PRIM2: variants seen among roughly 807,000 people sequenced by gnomAD.
The protein encoded by PRIM2 is DNA primase subunit 2, also known as DNA primase large subunit.
PRIM2 carries 39 observed loss-of-function variants against 67.3 expected under a neutral mutation model. The ratio of observed to expected loss-of-function variants is 0.58; its 90% CI spans 0.45 to 0.76. PRIM2 has a LOEUF of 0.76. Ranked by LOEUF, PRIM2 falls within the 30% of genes least tolerant of loss-of-function variation. The pLI is 0.00. For missense variants in PRIM2, 398 were observed against 598.7 expected (o/e 0.66, Z 3.50); for synonymous variants, 143 against 198.7 (o/e 0.72, Z 2.36).
the PRIM2 span, among the ~76,000 whole-genome samples, chr6:57,265,516 C>T: frequency 3.3e-5 from 5 of 152,130 alleles, no homozygotes; most frequent in East Asian, 3.8e-4. Context: ...CTTTGGTTTA[C>T]GGTAGACGCT....
chr6:57,237,505 A>G, the PRIM2 span, among the ~76,000 whole-genome samples: 28 of 152,176 alleles, frequency 1.8e-4, no homozygotes, highest in African/African-American at 6.7e-4. Context: ...CTATGTCCTG[A>G]ATGGTATTGC....
intron 5 of PRIM2, among the ~76,000 whole-genome samples, chr6:57,330,348 G>GTTTTTTTTTTTTTTTTTTTTT (rs1238317111): frequency 3.5e-4 from 31 of 87,790 alleles, no homozygotes; most frequent in African/African-American, 6.5e-4. Context: ...TGCTGAACTT[G>GTTTTTTTTTTTTTTTTTTTTT]TTTTTTTTTT....
chr6:57,414,858 A>G lies in PRIM2; in HGVS notation c.693+32690A>G, dbSNP rs548540312. ...ACCTCAGGAACTTATTTTCCCATAT[A>G]TTTATTTCCCCTTAATACTTGTGTT... On this transcript the variant is annotated intron_variant, in intron 7 of 13. Coordinates refer to ENST00000615550, the MANE Select transcript of PRIM2 (RefSeq NM_000947.5). 2.6e-5 allele frequency among the ~76,000 whole-genome samples: 4 copies of G among 152,196 alleles called. No homozygotes were observed. The South Asian group carries it at 6.2e-4, about 24-fold the overall frequency.
the PRIM2 span, among the ~76,000 whole-genome samples, chr6:57,307,451 C>T: frequency 6.6e-6 from 1 of 151,858 alleles, no homozygotes; most frequent in East Asian, 2.0e-4. Flanking sequence ...GATGGGGTTT[C>T]ACCGTGGTCT....
chr6:57,268,661 T>C, the PRIM2 span, among the ~76,000 whole-genome samples: 1 of 152,130 alleles, frequency 6.6e-6, no homozygotes, highest in East Asian at 1.9e-4. Context: ...ACTTTAAGTT[T>C]TAGGGTACAT....
intron 7 of PRIM2, among the ~76,000 whole-genome samples, chr6:57,487,926 C>G (rs1231164406): frequency 6.6e-6 from 1 of 152,010 alleles, no homozygotes; most frequent in African/African-American, 2.4e-5. Flanking sequence ...TAGTTGAAGG[C>G]CTGTTTATAT....
At chr6:57,578,669 GTTTTTTGT>G (rs1282551611) in intron 10 of PRIM2, among the ~76,000 whole-genome samples, 2 of 112,026 alleles carry the variant, frequency 1.8e-5, no homozygotes, top group African/African-American at 3.6e-5. Flanking sequence ...TCCTTCTTTT[GTTTTTTGT>G]TTTTTTTTTT....
chr6:57,251,797 G>A, the PRIM2 span, among the ~76,000 whole-genome samples: 1 of 152,152 alleles, frequency 6.6e-6, no homozygotes, highest in Non-Finnish European at 1.5e-5. Flanking sequence ...TTTCTCATGA[G>A]AATGCATATT....
chr6:57,572,434 G>A (rs1377649053), intron 10 of PRIM2, among the ~76,000 whole-genome samples: 3 of 152,150 alleles, frequency 2.0e-5, no homozygotes, highest in Non-Finnish European at 4.4e-5. Flanking sequence ...CTCAATTTAA[G>A]AGCTAAACAG....
the PRIM2 span, among the ~76,000 whole-genome samples, chr6:57,298,112 A>G: frequency 2.0e-5 from 3 of 152,226 alleles, no homozygotes; most frequent in East Asian, 5.8e-4. Flanking sequence ...CTGTAGTCCC[A>G]GCACTTTGGG....
chr6:57,248,013 T>C, the PRIM2 span, among the ~76,000 whole-genome samples: 1 of 152,210 alleles, frequency 6.6e-6, no homozygotes, highest in African/African-American at 2.4e-5. Context: ...AAAAAATAAT[T>C]GGATCAGGTA....
chr6:57,368,210 T>G (rs1769432942), intron 5 of PRIM2, among the ~76,000 whole-genome samples: 1 of 152,112 alleles, frequency 6.6e-6, no homozygotes, highest in Non-Finnish European at 1.5e-5. Flanking sequence ...CATACATTTA[T>G]TTTAGAAAAG....
intron 7 of PRIM2, among the ~76,000 whole-genome samples, chr6:57,459,567 A>T (rs1772927879): frequency 6.6e-6 from 1 of 152,160 alleles, no homozygotes; most frequent in Admixed American, 6.6e-5. Context: ...TACCTGGCTT[A>T]TGAAATGGGA....
upstream of PRIM2, among the ~76,000 whole-genome samples, chr6:57,317,218 T>C (rs1233566987): frequency 1.3e-5 from 2 of 152,182 alleles, no homozygotes; most frequent in African/African-American, 4.8e-5. Flanking sequence ...AAGATCCTAA[T>C]GCCTTTTTTC....
the PRIM2 span, among the ~76,000 whole-genome samples, chr6:57,289,932 C>G: frequency 6.6e-6 from 1 of 152,094 alleles, no homozygotes; most frequent in South Asian, 2.1e-4. Context: ...ATCTTAATGA[C>G]AGGACCAAAT....
chr6:57,437,087 T>C (rs1313796212), intron 7 of PRIM2, among the ~76,000 whole-genome samples: 1 of 152,194 alleles, frequency 6.6e-6, no homozygotes, highest in Non-Finnish European at 1.5e-5. Flanking sequence ...CTTTTACTCA[T>C]GGCAGAAGGC....
chr6:57,358,257 A>C (rs577949127), intron 5 of PRIM2, among the ~76,000 whole-genome samples: 14 of 152,342 alleles, frequency 9.2e-5, no homozygotes, highest in African/African-American at 3.4e-4. Flanking sequence ...TCAAGATTCA[A>C]ATCACTTTTG....
At chr6:57,490,710 GA>G (rs1488567030) in intron 7 of PRIM2, among the ~76,000 whole-genome samples, 1 of 152,174 alleles carries the variant, frequency 6.6e-6, no homozygotes, top group Non-Finnish European at 1.5e-5. Context: ...GTGGATTGTT[GA>G]ACTTGAATAT....
intron 8 of PRIM2, among the ~76,000 whole-genome samples, chr6:57,516,272 T>C (rs1774485858): frequency 6.6e-6 from 1 of 152,208 alleles, no homozygotes; most frequent in African/African-American, 2.4e-5. Flanking sequence ...ATTCAGAGGA[T>C]CCAGGAATTA....
Sources: allele counts gnomAD v4.1 joint callset (sites outside exome capture counted in the v4.1 genomes callset), GRCh38; gene constraint gnomAD v4.1.1; transcripts MANE v1.5; gene names NCBI Gene and HGNC (gene_info 2026-07-23, HGNC 2026-07-21).